Variants in BCAS3 observed in about 807,000 individuals in gnomAD.
BCAS3 encodes BCAS4/BCAS3 fusion.
BCAS3 carries 53 observed loss-of-function variants against 116.1 expected under a neutral mutation model. The ratio of observed to expected loss-of-function variants is 0.46; its 90% CI spans 0.37 to 0.57. The LOEUF is 0.57. Among genes scored for constraint, BCAS3 ranks in the 20% least tolerant of loss-of-function variants. The probability of loss-of-function intolerance (pLI) is 0.00; values close to 1 mark genes in which losing one functional copy is unlikely to be tolerated. For missense variants in BCAS3, 917 were observed against 1,165.4 expected (o/e 0.79, Z 3.10); for synonymous variants, 391 against 408.2 (o/e 0.96, Z 0.51).
rs2055848584 is a variant in BCAS3, at chr17:61,327,650, CA to C, written c.2426-40676del. Among the ~76,000 whole-genome samples the C allele has an allele frequency of 6.6e-6, 1 of 152,170 alleles. No homozygotes were observed. The highest frequency in any genetic ancestry group is 2.1e-4 in the South Asian group (1 of 4,832). The stretch of plus-strand genomic sequence containing the variant: ...TCAGCCTCCCGAGTAGCTGGGATTA[CA>C]GGCATGTACCACCAAACCCCACTAA... On this transcript the variant is annotated intron_variant, in intron 22 of 23. Coordinates refer to ENST00000407086, the MANE Select transcript of BCAS3 (RefSeq NM_017679.5). This position sits in a 1 kb window ranked among gnomAD's most constrained non-coding sequence, Gnocchi z 5.9.
At chr17:61,330,917 T>C (rs1396605264) in intron 22 of BCAS3, among the ~76,000 whole-genome samples, 1 of 152,230 alleles carries the variant, frequency 6.6e-6, no homozygotes, top group Non-Finnish European at 1.5e-5. Flanking sequence ...TGTCATTGTG[T>C]GACAGTTCTG....
chr17:61,004,190 C>T lies in BCAS3; in HGVS notation c.1487-11561C>T, dbSNP rs1328236334. Among the ~76,000 whole-genome samples, 1 of 151,954 alleles carries T rather than the reference C, an allele frequency of 6.6e-6. No individual in the cohort carries two copies. Among genetic ancestry groups the T allele is most frequent in the East Asian group, 1.9e-4 (1 of 5,184 alleles). On this transcript the variant is annotated intron_variant, in intron 15 of 23. Transcript: ENST00000407086. This position sits in a 1 kb window ranked among gnomAD's most constrained non-coding sequence, Gnocchi z 4.8. ...TTAAGTAAGAAATTCTGGTCTGGTT[C>T]CACTGAAATAAAAATATTTCTATGG...
At chr17:61,336,958 C>A (rs965249752) in intron 22 of BCAS3, among the ~76,000 whole-genome samples, 1 of 151,966 alleles carries the variant, frequency 6.6e-6, no homozygotes, top group African/African-American at 2.4e-5. Flanking sequence ...ACTAAAAATA[C>A]AAAAATTAGC....
rs2064797674 is a variant in BCAS3, at chr17:61,007,511, A to G, written c.1487-8240A>G. Among the ~76,000 whole-genome samples, 1 of 152,068 alleles carries G rather than the reference A, an allele frequency of 6.6e-6. No homozygotes were observed. On this transcript the variant is annotated intron_variant, in intron 15 of 23. Coordinates refer to ENST00000407086, the MANE Select transcript of BCAS3 (RefSeq NM_017679.5). The surrounding 1 kb of genome is among the most constrained non-coding windows in gnomAD (Gnocchi z 4.3). The stretch of plus-strand genomic sequence containing the variant: ...TAACAGATGATAATGGATTCACAAT[A>G]GAAAAGGAAAACTACCTAGCAAATT...
chr17:60,785,788 C>T (rs2144513098), intron 6 of BCAS3, among the ~76,000 whole-genome samples: 1 of 152,314 alleles, frequency 6.6e-6, no homozygotes, highest in Non-Finnish European at 1.5e-5. Flanking sequence ...AGTCAGCTCT[C>T]AGTATCTGTA....
Position 61,282,528 on chromosome 17 carries a change from C to T in BCAS3, c.2426-85799C>T, listed in dbSNP as rs4968549. 0.16 allele frequency among the ~76,000 whole-genome samples: 23,805 copies of T among 152,212 alleles called. 1,949 individuals are homozygous for T. Among genetic ancestry groups the T allele is most frequent in the Middle Eastern group, 0.21 (62 of 294 alleles). ...GTCTTCTGGGAACTAAAGTTGGTTT[C>T]GTTGGCTTACTCTTAGACAGATGTG... is the stretch of plus-strand genomic sequence containing the variant. On this transcript the variant is annotated intron_variant, in intron 22 of 23. Coordinates refer to ENST00000407086, the MANE Select transcript of BCAS3 (RefSeq NM_017679.5). The surrounding 1 kb of genome is among the most constrained non-coding windows in gnomAD (Gnocchi z 5.9).
Position 60,995,984 on chromosome 17 carries a change from A to G in BCAS3, c.1486+5749A>G, listed in dbSNP as rs1308378521. On this transcript the variant is annotated intron_variant, in intron 15 of 23. Coordinates refer to ENST00000407086, the MANE Select transcript of BCAS3 (RefSeq NM_017679.5). This position sits in a 1 kb window ranked among gnomAD's most constrained non-coding sequence, Gnocchi z 4.7. ...TGGTGGAAGTAAGAGAGAAATTCAT[A>G]TAGAACAGCCTGTGTAAAATCCTGA... Among the ~76,000 whole-genome samples the G allele has an allele frequency of 3.2e-4, 49 of 152,232 alleles. 1 individual carries two copies. The highest frequency in any genetic ancestry group is 2.7e-3 in the Admixed American group (42 of 15,284).
intron 14 of BCAS3, among the ~76,000 whole-genome samples, chr17:60,950,723 T>C (rs1287248349): frequency 1.3e-5 from 2 of 152,234 alleles, no homozygotes; most frequent in Non-Finnish European, 2.9e-5. Context: ...CAATGAGATA[T>C]AGTCAACAGA....
intron 4 of BCAS3, among the ~76,000 whole-genome samples, chr17:60,693,543 T>C (rs553141966): frequency 6.6e-6 from 1 of 151,548 alleles, no homozygotes; most frequent in South Asian, 2.1e-4. Context: ...GCCTCCTTAG[T>C]AGCTTGGACC....
chr17:60,901,766 C>G (rs2057910503), intron 10 of BCAS3, among the ~76,000 whole-genome samples: 1 of 152,158 alleles, frequency 6.6e-6, no homozygotes, highest in South Asian at 2.1e-4. Context: ...TTAATTTTTA[C>G]TTTTTGTGAG....
chr17:61,030,870 A>C (rs900883181), intron 16 of BCAS3, among the ~76,000 whole-genome samples: 1 of 151,972 alleles, frequency 6.6e-6, no homozygotes, highest in African/African-American at 2.4e-5. Context: ...GTTATGTGTG[A>C]AAAACTAAGG....
chr17:60,698,787 G>A (rs2035978966), intron 4 of BCAS3, among the ~76,000 whole-genome samples: 1 of 152,154 alleles, frequency 6.6e-6, no homozygotes, highest in African/African-American at 2.4e-5. Context: ...CAGGCACAGT[G>A]GCTCACGCCT....
chr17:60,993,375 T>G lies in BCAS3; in HGVS notation c.1486+3140T>G, dbSNP rs113844213. On this transcript the variant is annotated intron_variant, in intron 15 of 23. Transcript: ENST00000407086. This position sits in a 1 kb window ranked among gnomAD's most constrained non-coding sequence, Gnocchi z 4.2. Reference sequence around the variant, plus strand: ...TTTCATGTCTCTCTGCATGTTTTTTTCAGAAATCTCAAAGAGGAGAATCCA... The same window carrying G: ...TTTCATGTCTCTCTGCATGTTTTTTGCAGAAATCTCAAAGAGGAGAATCCA... 2.8e-3 allele frequency among the ~76,000 whole-genome samples: 433 copies of G among 152,306 alleles called. 1 individual carries two copies. The highest frequency in any genetic ancestry group is 9.8e-3 in the African/African-American group (409 of 41,570).
At chr17:61,277,687 C>T (rs1973608419) in intron 22 of BCAS3, among the ~76,000 whole-genome samples, 1 of 152,090 alleles carries the variant, frequency 6.6e-6, no homozygotes, top group Admixed American at 6.5e-5. Context: ...GGCAAAGGAT[C>T]TGAATAGACA....
At chr17:61,262,065 T>C (rs559655266) in intron 22 of BCAS3, among the ~76,000 whole-genome samples, 21 of 152,168 alleles carry the variant, frequency 1.4e-4, no homozygotes, top group African/African-American at 4.6e-4. Context: ...TGGAAGAAAA[T>C]AGGACACAGC....
In BCAS3 at chr17:61,286,490, C is replaced by T. The variant is rs1332884253; in HGVS notation, c.2426-81837C>T. ...ACCCTGGAGGCCATCGATAACTGGACCTAGAAGGGTTTCTCCAGATTTTCT... is the reference window on the plus strand; with the variant it reads ...ACCCTGGAGGCCATCGATAACTGGATCTAGAAGGGTTTCTCCAGATTTTCT... On this transcript the variant is annotated intron_variant, in intron 22 of 23. Coordinates refer to ENST00000407086, the MANE Select transcript of BCAS3 (RefSeq NM_017679.5). The surrounding 1 kb of genome is among the most constrained non-coding windows in gnomAD (Gnocchi z 4.8). Among the ~76,000 whole-genome samples, 2 of 152,124 alleles carry T rather than the reference C, an allele frequency of 1.3e-5. No individual in the cohort carries two copies. Among genetic ancestry groups the T allele is most frequent in the Non-Finnish European group, 2.9e-5 (2 of 68,032 alleles).
rs1358090491 is a variant in BCAS3, at chr17:61,265,280, C to T, written c.2426-103047C>T. Among the ~76,000 whole-genome samples, 2 of 151,980 alleles carry T rather than the reference C, an allele frequency of 1.3e-5. No individual in the cohort carries two copies. Among genetic ancestry groups the T allele is most frequent in the Non-Finnish European group, 2.9e-5 (2 of 68,006 alleles). ...AATACAAAATTAGCCGGCATGGTGG[C>T]GCATGCCTGTAATCCCGGGAGGTTG... On this transcript the variant is annotated intron_variant, in intron 22 of 23. Transcript: ENST00000407086. The surrounding 1 kb of genome is among the most constrained non-coding windows in gnomAD (Gnocchi z 4.3).
intron 12 of BCAS3, among the ~76,000 whole-genome samples, chr17:60,918,968 C>A (rs1304940952): frequency 6.6e-6 from 1 of 151,970 alleles, no homozygotes; most frequent in Admixed American, 6.5e-5. Flanking sequence ...GCTGGGATTA[C>A]AGGCGTGAGC....
At chr17:60,975,014 A>T (rs1266013496) in intron 14 of BCAS3, among the ~76,000 whole-genome samples, 6 of 133,048 alleles carry the variant, frequency 4.5e-5, no homozygotes, top group Admixed American at 2.3e-4. Flanking sequence ...TTTTTTTTTG[A>T]GACGGAGTCT....
Sources: gnomAD v4.1 joint callset for allele counts (sites outside exome capture counted in the v4.1 genomes callset) on GRCh38, gnomAD v4.1.1 for gene constraint, Gnocchi (gnomAD v3.1) non-coding constraint, MANE v1.5 for transcripts, NCBI Gene and HGNC (gene_info 2026-07-23, HGNC 2026-07-21) for gene names.